Variants in LSAMP observed in about 807,000 individuals in gnomAD.
The protein encoded by LSAMP is limbic system-associated membrane protein.
In LSAMP, 7 loss-of-function variants were observed where a neutral mutation model predicts 38.6. That is an observed-to-expected ratio of 0.18 (90% CI 0.10 to 0.34). LSAMP has a LOEUF of 0.34. Ranked by LOEUF, LSAMP falls within the 10% of genes least tolerant of loss-of-function variation. The probability of loss-of-function intolerance (pLI) is 1.00; values close to 1 mark genes in which losing one functional copy is unlikely to be tolerated. For synonymous variants in LSAMP, 154 were observed against 166.8 expected (o/e 0.92, Z 0.59); for missense variants, 313 against 420.0 (o/e 0.75, Z 2.23).
At position 116,203,628 on chromosome 3, in the gene LSAMP, C is replaced by G. The variant is rs2046022492; in HGVS notation, c.156-117072G>C. On this transcript the variant is annotated intron_variant, in intron 1 of 6. Transcript: ENST00000490035. ...TGTGATCTCATTGTTCAATTCCCAC[C>G]TATGAGTGAGAATATGCGGTGTTTG... Among the ~76,000 whole-genome samples, 4 of 148,750 alleles carry G rather than the reference C, an allele frequency of 2.7e-5. No individual in the cohort carries two copies. In the Admixed American group the frequency reaches 2.7e-4, roughly 10 times the overall value.
At chr3:115,832,806 A>G (rs949302883) in intron 6 of LSAMP, among the ~76,000 whole-genome samples, 14 of 152,206 alleles carry the variant, frequency 9.2e-5, no homozygotes, top group African/African-American at 3.4e-4. Flanking sequence ...GTCTACCTAC[A>G]ATGTAAAATC....
intron 6 of LSAMP, among the ~76,000 whole-genome samples, chr3:115,838,354 C>A (rs1048495487): frequency 6.6e-6 from 1 of 152,186 alleles, no homozygotes; most frequent in Non-Finnish European, 1.5e-5. Flanking sequence ...ACCTATCTAT[C>A]ACCTTTGTGG....
chr3:116,413,306 T>A (rs1354251703), intron 1 of LSAMP, among the ~76,000 whole-genome samples: 1 of 151,988 alleles, frequency 6.6e-6, no homozygotes, highest in Non-Finnish European at 1.5e-5. Flanking sequence ...TTCAAAAGAA[T>A]AAGCTACTTG....
intron 3 of LSAMP, among the ~76,000 whole-genome samples, chr3:115,866,513 A>C (rs574207971): frequency 2.0e-5 from 3 of 152,112 alleles, no homozygotes; most frequent in Admixed American, 6.6e-5. Flanking sequence ...AGCACCTTTG[A>C]TGGGTGGATA....
intron 1 of LSAMP, among the ~76,000 whole-genome samples, chr3:116,346,557 G>A (rs999513019): frequency 6.6e-6 from 1 of 152,062 alleles, no homozygotes; most frequent in African/African-American, 2.4e-5. Context: ...TCAAACTCCT[G>A]AGCTCAAGCA....
intron 1 of LSAMP, among the ~76,000 whole-genome samples, chr3:116,185,319 A>C (rs910990401): frequency 2.6e-5 from 4 of 151,910 alleles, no homozygotes; most frequent in African/African-American, 4.8e-5. Context: ...GTATTCATAC[A>C]CTTCATATGT....
chr3:116,317,424 C>G (rs962699540), intron 1 of LSAMP, among the ~76,000 whole-genome samples: 1 of 151,038 alleles, frequency 6.6e-6, no homozygotes, highest in Non-Finnish European at 1.5e-5. Context: ...GGCGCGATCT[C>G]GGCTCACTGC....
At chr3:115,947,534 C>T (rs1938140900) in intron 3 of LSAMP, among the ~76,000 whole-genome samples, 1 of 152,088 alleles carries the variant, frequency 6.6e-6, no homozygotes, top group African/African-American at 2.4e-5. Context: ...GTGATACTGA[C>T]CACAAGAGAG....
chr3:116,443,480 T>G (rs2049464146), intron 1 of LSAMP, among the ~76,000 whole-genome samples: 1 of 152,008 alleles, frequency 6.6e-6, no homozygotes, highest in South Asian at 2.1e-4. Context: ...CACACACACA[T>G]GCAATGCACG....
chr3:116,277,836 C>T (rs72947991), intron 1 of LSAMP, among the ~76,000 whole-genome samples: 9,309 of 152,190 alleles, frequency 0.061, 894 homozygotes, highest in African/African-American at 0.2. Context: ...ACTCAGCCTG[C>T]TCTTATTTTC....
intron 3 of LSAMP, among the ~76,000 whole-genome samples, chr3:115,926,982 T>C (rs2107532182): frequency 6.6e-6 from 1 of 152,318 alleles, no homozygotes; most frequent in East Asian, 1.9e-4. Flanking sequence ...GCATATTCAG[T>C]GTTTAGAATG....
intron 3 of LSAMP, among the ~76,000 whole-genome samples, chr3:115,945,486 G>A (rs895032884): frequency 1.3e-5 from 2 of 152,088 alleles, no homozygotes; most frequent in Non-Finnish European, 2.9e-5. Context: ...GAAATGGGAG[G>A]TAGGAGAAAG....
chr3:115,969,542 G>A (rs1007892086), intron 3 of LSAMP, among the ~76,000 whole-genome samples: 1 of 152,064 alleles, frequency 6.6e-6, no homozygotes, highest in Admixed American at 6.5e-5. Flanking sequence ...CCACCCTTCT[G>A]GCGAAAAAAT....
chr3:115,843,334 A>G (rs1175539846), intron 4 of LSAMP, among the ~76,000 whole-genome samples: 4 of 152,242 alleles, frequency 2.6e-5, no homozygotes, highest in Non-Finnish European at 5.9e-5. Flanking sequence ...GCTGGGAAAC[A>G]CATTTGACGC....
intron 3 of LSAMP, among the ~76,000 whole-genome samples, chr3:116,009,709 G>C (rs1282460280): frequency 6.6e-6 from 1 of 152,100 alleles, no homozygotes; most frequent in African/African-American, 2.4e-5. Context: ...AAAACTTCCA[G>C]CTCTTGTAAC....
chr3:116,296,682 G>A (rs1377328716), intron 1 of LSAMP, among the ~76,000 whole-genome samples: 18 of 121,304 alleles, frequency 1.5e-4, no homozygotes, highest in Admixed American at 1.1e-3. Context: ...GCGACAGAGC[G>A]TGACTCTGTC....
chr3:116,389,255 C>G (rs968928882), intron 1 of LSAMP, among the ~76,000 whole-genome samples: 2 of 152,116 alleles, frequency 1.3e-5, no homozygotes, highest in Non-Finnish European at 2.9e-5. Flanking sequence ...CTTCCAAAAG[C>G]TAGCCTACCT....
chr3:116,331,831 CTTTCTTTTCT>C (rs377630162), intron 1 of LSAMP, among the ~76,000 whole-genome samples: 5 of 152,012 alleles, frequency 3.3e-5, no homozygotes, highest in Admixed American at 6.6e-5. Flanking sequence ...TATTTTCTTT[CTTTCTTTTCT>C]TTTCTTTTCT....
At chr3:116,287,599 A>T (rs1197776260) in intron 1 of LSAMP, among the ~76,000 whole-genome samples, 1 of 152,212 alleles carries the variant, frequency 6.6e-6, no homozygotes, top group Non-Finnish European at 1.5e-5. Flanking sequence ...TTCTGAAAGC[A>T]AACTCCACTA....
Sources: allele counts gnomAD v4.1 joint callset (sites outside exome capture counted in the v4.1 genomes callset), GRCh38; gene constraint gnomAD v4.1.1; transcripts MANE v1.5; gene names NCBI Gene and HGNC (gene_info 2026-07-23, HGNC 2026-07-21).